Variants in PARVA observed in about 807,000 individuals in gnomAD.
PARVA encodes the protein alpha-parvin.
In PARVA, 25 loss-of-function variants were observed where a neutral mutation model predicts 52.6. That is an observed-to-expected ratio of 0.48 (90% CI 0.35 to 0.66). PARVA has a LOEUF of 0.66. Among genes scored for constraint, PARVA ranks in the 30% least tolerant of loss-of-function variants. The pLI is 0.01. For missense variants in PARVA, 373 were observed against 450.9 expected (o/e 0.83, Z 1.56); for synonymous variants, 185 against 179.1 (o/e 1.03, Z -0.26).
intron 5 of PARVA, 89 bp downstream of exon 5, chr11:12,496,687 C>T (rs999997651): frequency 2.2e-6 from 3 of 1,339,468 alleles, no homozygotes; most frequent in African/African-American, 1.5e-5. Context: ...ATAAGCTTGG[C>T]AGGCTTCAGG....
At chr11:12,387,297 A>G (rs980340643) in intron 1 of PARVA, among the ~76,000 whole-genome samples, 1 of 152,194 alleles carries the variant, frequency 6.6e-6, no homozygotes, top group African/African-American at 2.4e-5. Flanking sequence ...CTCCTCCTGC[A>G]CAGGCCCTAG....
chr11:12,509,079 T>TTTG lies in PARVA; in HGVS notation c.716+439_716+440insGTT, dbSNP rs200682496. Among the ~76,000 whole-genome samples the TTTG allele has an allele frequency of 8.1e-3, 1,166 of 144,384 alleles. 8 individuals carry two copies. The highest frequency in any genetic ancestry group is 0.013 in the Non-Finnish European group (886 of 66,456). The allele number at this position is 144,384 out of a possible 152,430, so 94.7% of individuals were successfully genotyped here. On this transcript the variant is annotated intron_variant, in intron 7 of 12. Transcript: ENST00000334956. ...TTTGTCTTTTGGTTTGGGGTGGTTT[T>TTTG]TTTTTTTTTTTTTTCATTTATTTTT...
At chr11:12,464,714 G>A (rs1406007890) in intron 1 of PARVA, among the ~76,000 whole-genome samples, 1 of 152,044 alleles carries the variant, frequency 6.6e-6, no homozygotes, top group Admixed American at 6.6e-5. Context: ...CTCCTTGTTA[G>A]GGTTTGAATA....
At chr11:12,479,402 AAG>A (rs1322276240) in intron 4 of PARVA, 1 of 152,044 alleles carries the variant, frequency 6.6e-6, no homozygotes, top group African/African-American at 2.4e-5. Context: ...TCCAGGGTTC[AAG>A]TGACCCTCCT....
chr11:12,447,099 C>T (rs1211003454), intron 1 of PARVA, among the ~76,000 whole-genome samples: 1 of 152,184 alleles, frequency 6.6e-6, no homozygotes, highest in Non-Finnish European at 1.5e-5. Context: ...ATGTGTTACT[C>T]AAACCCTGTA....
intron 1 of PARVA, among the ~76,000 whole-genome samples, chr11:12,380,067 G>T (rs1939463266): frequency 1.3e-5 from 2 of 152,236 alleles, no homozygotes; most frequent in Admixed American, 1.3e-4. Flanking sequence ...GCTGAAGTAG[G>T]CTATCCTGCT....
At chr11:12,517,303 A>ACCCCCCCCCCCCCCCC (rs1564869136) in intron 10 of PARVA, among the ~76,000 whole-genome samples, 5 of 112,486 alleles carry the variant, frequency 4.4e-5, no homozygotes, top group East Asian at 3.0e-4. Flanking sequence ...AGCCACACTG[A>ACCCCCCCCCCCCCCCC]CCACCCCCCA....
chr11:12,447,644 T>A (rs1940565466), intron 1 of PARVA, among the ~76,000 whole-genome samples: 1 of 152,166 alleles, frequency 6.6e-6, no homozygotes, highest in African/African-American at 2.4e-5. Flanking sequence ...TGAATTTTAA[T>A]AGTAGAAAAA....
At chr11:12,524,658 T>C (rs935303925) in intron 12 of PARVA, among the ~76,000 whole-genome samples, 1 of 152,212 alleles carries the variant, frequency 6.6e-6, no homozygotes, top group Non-Finnish European at 1.5e-5. Flanking sequence ...TGGGAACTCT[T>C]TTCAGTCCTT....
At chr11:12,377,302 CAG>C (rs1939404898), upstream of PARVA, 1 of 690,964 alleles carries the variant, frequency 1.4e-6, no homozygotes, top group Non-Finnish European at 2.1e-6. Flanking sequence ...GTGGTGGGGA[CAG>C]AGCCTGGGTA....
chr11:12,506,181 T>C (rs76821629), intron 6 of PARVA, among the ~76,000 whole-genome samples: 2 of 151,246 alleles, frequency 1.3e-5, no homozygotes, highest in Non-Finnish European at 3.0e-5. Context: ...ATATAGTCTG[T>C]TTTTTTTTAA....
chr11:12,452,316 T>C (rs1940633502), intron 1 of PARVA, among the ~76,000 whole-genome samples: 1 of 152,166 alleles, frequency 6.6e-6, no homozygotes, highest in African/African-American at 2.4e-5. Context: ...CACTTGTGCT[T>C]AGAAAAGTGG....
chr11:12,488,531 G>C (rs960232799), intron 4 of PARVA, among the ~76,000 whole-genome samples: 1 of 152,106 alleles, frequency 6.6e-6, no homozygotes, highest in Non-Finnish European at 1.5e-5. Context: ...ACAAATCTTG[G>C]GTAGAGTCTG....
At chr11:12,499,325 C>T (rs372826832) in intron 5 of PARVA, among the ~76,000 whole-genome samples, 124 of 151,538 alleles carry the variant, frequency 8.2e-4, no homozygotes, top group African/African-American at 3.0e-3. Flanking sequence ...CAGTTACCTT[C>T]CGTGGATGTA....
chr11:12,503,594 T>C (rs1055569205), intron 5 of PARVA, among the ~76,000 whole-genome samples: 8 of 152,156 alleles, frequency 5.3e-5, no homozygotes, highest in Non-Finnish European at 8.8e-5. Context: ...GGGCCAGGCA[T>C]GGTGGCACAT....
intron 6 of PARVA, among the ~76,000 whole-genome samples, 151 bp downstream of exon 6, chr11:12,504,580 T>C (rs1486285211): frequency 6.6e-6 from 1 of 152,100 alleles, no homozygotes; most frequent in Non-Finnish European, 1.5e-5. Flanking sequence ...TGAATGAGCT[T>C]TCTGTTGCAT....
chr11:12,515,924 C>T (rs1026015272), intron 10 of PARVA, among the ~76,000 whole-genome samples: 1 of 152,220 alleles, frequency 6.6e-6, no homozygotes, highest in Non-Finnish European at 1.5e-5. Context: ...GCATCCTCAA[C>T]TTCCCAGGCT....
chr11:12,386,692 T>C (rs1939576550), intron 1 of PARVA, among the ~76,000 whole-genome samples: 1 of 152,226 alleles, frequency 6.6e-6, no homozygotes, highest in Non-Finnish European at 1.5e-5. Context: ...CTTAGACAGA[T>C]CTCTTCCCCT....
chr11:12,511,477 GA>G, intron 7 of PARVA, 36 bp from the exon 8 acceptor site: 1 of 1,608,166 alleles, frequency 6.2e-7, no homozygotes, highest in Non-Finnish European at 8.5e-7. Flanking sequence ...AGGGACAAGA[GA>G]AGAGTCACAC....
Sources: gnomAD v4.1 joint callset for allele counts (sites outside exome capture counted in the v4.1 genomes callset) on GRCh38, gnomAD v4.1.1 for gene constraint, MANE v1.5 for transcripts, NCBI Gene and HGNC (gene_info 2026-07-23, HGNC 2026-07-21) for gene names.